The following CDK6 variants were observed in gnomAD, a reference collection of about 807,000 sequenced individuals.
CDK6 encodes the protein cyclin-dependent kinase 6.
In CDK6, 6 loss-of-function variants were observed where a neutral mutation model predicts 37.1. The observed-to-expected ratio is 0.16, with a 90% CI of 0.09 to 0.32. CDK6 has a LOEUF of 0.32. Ranked by LOEUF, CDK6 falls within the 10% of genes least tolerant of loss-of-function variation. The pLI, the probability that CDK6 is intolerant of heterozygous loss-of-function variation, is 1.00. For synonymous variants in CDK6, 160 were observed against 161.3 expected (o/e 0.99, Z 0.06); for missense variants, 224 against 418.9 (o/e 0.53, Z 4.06).
At chr7:92,692,849 A>T (rs1797628120) in intron 4 of CDK6, among the ~76,000 whole-genome samples, 1 of 152,166 alleles carries the variant, frequency 6.6e-6, no homozygotes, top group African/African-American at 2.4e-5. Flanking sequence ...TGTGAATATT[A>T]CAATAAATTC....
At chr7:92,628,949 A>C (rs1407476875) in intron 5 of CDK6, among the ~76,000 whole-genome samples, 1 of 152,104 alleles carries the variant, frequency 6.6e-6, no homozygotes, top group Non-Finnish European at 1.5e-5. Flanking sequence ...AAGACAAAGA[A>C]AGAGAAGTGT....
chr7:92,725,743 T>G lies in CDK6; in HGVS notation c.420A>C (p.Arg140=), dbSNP rs1462393204. Residue 140 remains arginine (R), a synonymous_variant, in exon 4 of 8, where the codon CGA becomes CGC. Coordinates refer to ENST00000424848, the MANE Select transcript of CDK6 (RefSeq NM_001145306.2). The part of the protein sequence containing the change: ...LRGLDFLHSH[R]VVHRDLKPQN... ...GTGGTTTTAGATCGCGATGCACTAC[T>G]CGGTGTGAATGAAGAAAGTCCAGAC... 6.2e-7 allele frequency: 1 copy of G among 1,613,910 alleles called. No individual in the cohort carries two copies. Among genetic ancestry groups the G allele is most frequent in the African/African-American group, 1.3e-5 (1 of 74,912 alleles).
chr7:92,727,213 T>A (rs1798533840), intron 3 of CDK6, among the ~76,000 whole-genome samples: 1 of 152,168 alleles, frequency 6.6e-6, no homozygotes, highest in South Asian at 2.1e-4. Context: ...GATGGAGCTG[T>A]TTTGTTAATA....
chr7:92,649,128 T>C (rs1562924107), intron 5 of CDK6, among the ~76,000 whole-genome samples: 1 of 152,144 alleles, frequency 6.6e-6, no homozygotes, highest in Admixed American at 6.6e-5. Flanking sequence ...TTTACATTAA[T>C]AATGAGGGCT....
chr7:92,806,229 T>C (rs975870494), intron 2 of CDK6, among the ~76,000 whole-genome samples: 4 of 152,204 alleles, frequency 2.6e-5, no homozygotes, highest in Non-Finnish European at 4.4e-5. Flanking sequence ...TAAACCTAGA[T>C]AGTTGGGGCT....
rs1795413108 is a variant in CDK6 at position 92,605,783 on chromosome 7, G to A, written c.*9357C>T. On this transcript the variant is annotated 3_prime_UTR_variant, in exon 8 of 8. Transcript: ENST00000424848. ...ATACCTGAGGCCATTTTTCTTAGAG[G>A]GCAAAAACGTTAGAATAGGTAGGAA... 1 of 233,130 alleles carries A rather than the reference G, an allele frequency of 4.3e-6. No individual in the cohort carries two copies. Among genetic ancestry groups the A allele is most frequent in the Admixed American group, 5.6e-5 (1 of 17,776 alleles). 14.4% of individuals were successfully genotyped at this position (233,130 alleles called of 1,614,324 possible).
At chr7:92,645,246 T>C (rs1796418210) in intron 5 of CDK6, among the ~76,000 whole-genome samples, 1 of 152,222 alleles carries the variant, frequency 6.6e-6, no homozygotes, top group Admixed American at 6.5e-5. Flanking sequence ...AATGAAGTAA[T>C]GAAATGCCAA....
chr7:92,776,113 A>G (rs558838109), intron 2 of CDK6, among the ~76,000 whole-genome samples: 1 of 119,096 alleles, frequency 8.4e-6, no homozygotes, highest in Non-Finnish European at 1.6e-5. Flanking sequence ...CCCTGTGTCC[A>G]TGTGTTCTCA....
At chr7:92,635,611 C>T (rs908420173) in intron 5 of CDK6, among the ~76,000 whole-genome samples, 8 of 152,154 alleles carry the variant, frequency 5.3e-5, no homozygotes, top group African/African-American at 1.2e-4. Context: ...AACTGTTACT[C>T]GTTCCAAAGT....
At chr7:92,765,592 G>A (rs932366864) in intron 3 of CDK6, among the ~76,000 whole-genome samples, 6 of 152,062 alleles carry the variant, frequency 3.9e-5, no homozygotes, top group Admixed American at 1.3e-4. Flanking sequence ...TACAATGGTG[G>A]TATTGATGCA....
Position 92,616,452 on chromosome 7 carries a change from A to G in CDK6, c.835-1166T>C, listed in dbSNP as rs147347927. Among the ~76,000 whole-genome samples, 528 of 152,310 alleles carry G rather than the reference A, an allele frequency of 3.5e-3. 3 individuals are homozygous for G. The highest frequency in any genetic ancestry group is 0.02 in the Middle Eastern group (6 of 294). On this transcript the variant is annotated intron_variant, in intron 7 of 7. Transcript: ENST00000424848. ...AGATCCCCATCAGTCCATGGTTGCT[A>G]GCCTCCCTATAGGATCTTCTGAACA...
chr7:92,748,123 T>TA (rs1261282675), intron 3 of CDK6, among the ~76,000 whole-genome samples: 3 of 152,244 alleles, frequency 2.0e-5, no homozygotes, highest in African/African-American at 7.2e-5. Flanking sequence ...TCTAATGGCA[T>TA]ACTGCATGTT....
chr7:92,681,341 G>A (rs1346521572), intron 4 of CDK6, among the ~76,000 whole-genome samples: 2 of 152,222 alleles, frequency 1.3e-5, no homozygotes, highest in Non-Finnish European at 2.9e-5. Flanking sequence ...CTGTGTACTC[G>A]TGTCAGGGGA....
chr7:92,823,916 C>T (rs190060150), intron 2 of CDK6, among the ~76,000 whole-genome samples: 1 of 152,188 alleles, frequency 6.6e-6, no homozygotes, highest in East Asian at 1.9e-4. Flanking sequence ...ATCTTCCCAT[C>T]CTAGCCTTCC....
At chr7:92,622,890 T>A in intron 6 of CDK6, 146 bp downstream of exon 6, 1 of 597,324 alleles carries the variant, frequency 1.7e-6, no homozygotes, top group East Asian at 2.8e-5. Flanking sequence ...ATGTCTCCAC[T>A]CACCACACAA....
intron 3 of CDK6, among the ~76,000 whole-genome samples, chr7:92,762,607 AC>A (rs1457195622): frequency 6.7e-6 from 1 of 148,906 alleles, no homozygotes; most frequent in Admixed American, 6.8e-5. Flanking sequence ...TCGCTCTGTC[AC>A]CCAGGCTGTA....
intron 2 of CDK6, among the ~76,000 whole-genome samples, chr7:92,823,247 G>C (rs1046929371): frequency 6.6e-6 from 1 of 151,306 alleles, no homozygotes; most frequent in African/African-American, 2.4e-5. Flanking sequence ...CCATCACTTT[G>C]AGTCAGTCAA....
chr7:92,744,269 G>A (rs560402521), intron 3 of CDK6, among the ~76,000 whole-genome samples: 1 of 152,270 alleles, frequency 6.6e-6, no homozygotes, highest in East Asian at 1.9e-4. Flanking sequence ...CACAATCATG[G>A]CGGAAGGCAA....
intron 3 of CDK6, among the ~76,000 whole-genome samples, chr7:92,745,031 T>C (rs541869084): frequency 1.9e-4 from 29 of 152,356 alleles, no homozygotes; most frequent in South Asian, 1.0e-3. Context: ...TTGATAAATG[T>C]ATAAATTGTG....
Sources: gnomAD v4.1 joint callset for allele counts (sites outside exome capture counted in the v4.1 genomes callset) on GRCh38, gnomAD v4.1.1 for gene constraint, MANE v1.5 for transcripts, NCBI Gene and HGNC (gene_info 2026-07-23, HGNC 2026-07-21) for gene names.